The following DNAH11 variants were observed in gnomAD, a reference collection of about 807,000 sequenced individuals.
DNAH11 encodes the protein dynein axonemal heavy chain 11.
A neutral mutation model predicts 526.0 loss-of-function variants in DNAH11; 442 were observed. That is an observed-to-expected ratio of 0.84 (90% CI 0.78 to 0.91). The LOEUF is 0.91. Ranked by LOEUF, DNAH11 falls within the 40% of genes least tolerant of loss-of-function variation. DNAH11 has a pLI of 0.00. For missense variants in DNAH11, 6,989 were observed against 5,448.7 expected (o/e 1.28, Z -8.90); for synonymous variants, 2,461 against 1,935.9 (o/e 1.27, Z -7.12).
intron 30 of DNAH11, among the ~76,000 whole-genome samples, chr7:21,663,757 C>CT (rs34243043): frequency 0.59 from 85,392 of 145,710 alleles, 25,283 homozygotes; most frequent in Non-Finnish European, 0.66. Context: ...ACAGGATTTC[C>CT]TTTTTTTTTT....
chr7:21,750,811 A>T (rs1336782330), intron 54 of DNAH11, among the ~76,000 whole-genome samples: 4 of 152,190 alleles, frequency 2.6e-5, no homozygotes, highest in African/African-American at 9.7e-5. Flanking sequence ...AATGGCATTT[A>T]TATAAAGGTC....
rs17144916 is a variant in DNAH11 at position 21,658,611 on chromosome 7, G to C, written c.5095-187G>C. Among the ~76,000 whole-genome samples, 19,892 of 152,088 alleles carry C rather than the reference G, an allele frequency of 0.13. 1,577 individuals carry two copies. The highest frequency in any genetic ancestry group is 0.22 in the African/African-American group (9,165 of 41,484). On this transcript the variant is annotated intron_variant, in intron 29 of 81. Coordinates refer to ENST00000409508, the MANE Select transcript of DNAH11 (RefSeq NM_001277115.2). ...TCCTGGGAGAAGGCGGGTTCCTGCA[G>C]GAGAAAGATTTCACCAATCCGTTGT...
In DNAH11 at chr7:21,899,356, G is replaced by T; in HGVS notation, c.13070G>T (p.Arg4357Leu). Residue 4357 changes from arginine (R) to leucine (L), a missense_variant, in exon 80 of 82, where the codon CGA becomes CTA. Physicochemically the swap from Arg to Leu is moderately radical, Grantham distance 102 (BLOSUM62 -2). Transcript: ENST00000409508. The part of the protein sequence containing the change: ...LAQWFNDLLL[R>L]CRELDTWTQD... ...ACCAGGTTCAATGACCTCCTCCTGC[G>T]ATGCCGAGAACTCGATACTTGGACA... The T allele has an allele frequency of 6.2e-7, 1 of 1,613,884 alleles. No homozygotes were observed. The highest frequency in any genetic ancestry group is 8.5e-7 in the Non-Finnish European group (1 of 1,179,872).
At chr7:21,897,426 C>T (rs926594494) in intron 79 of DNAH11, among the ~76,000 whole-genome samples, 3 of 122,908 alleles carry the variant, frequency 2.4e-5, no homozygotes, top group Non-Finnish European at 5.7e-5. Context: ...GTGGAGATGT[C>T]AAAAGCTAGC....
At chr7:21,567,577 C>T (rs6461582) in intron 6 of DNAH11, among the ~76,000 whole-genome samples, 14,741 of 152,238 alleles carry the variant, frequency 0.097, 1,330 homozygotes, top group East Asian at 0.29. Flanking sequence ...TCCCCACAGG[C>T]GCAGCCAGTG....
intron 10 of DNAH11, 90 bp downstream of exon 10, chr7:21,588,291 A>T (rs3810897): frequency 6.9e-7 from 1 of 1,438,870 alleles, no homozygotes; most frequent in Non-Finnish European, 9.3e-7. Flanking sequence ...ATATCTAAAG[A>T]TTAGATATAG....
intron 20 of DNAH11, among the ~76,000 whole-genome samples, chr7:21,613,826 A>G (rs998691545): frequency 2.0e-5 from 3 of 152,108 alleles, no homozygotes; most frequent in Non-Finnish European, 2.9e-5. Flanking sequence ...CAGTGGTACA[A>G]TTTCAACTCA....
rs116975250 is a variant in DNAH11, at chr7:21,606,177, T to C, written c.3649-249T>C. On this transcript the variant is annotated intron_variant, in intron 18 of 81. Transcript: ENST00000409508. The stretch of plus-strand genomic sequence containing the variant: ...TGTCCTACAACAAATACAAAAATTA[T>C]CTGGGCATGGTGGTACATGCCTGTA... 0.046 allele frequency among the ~76,000 whole-genome samples: 6,950 copies of C among 152,052 alleles called. 175 individuals are homozygous for C. Among genetic ancestry groups the C allele is most frequent in the South Asian group, 0.063 (304 of 4,800 alleles).
At chr7:21,691,505 C>T (rs1470546305) in intron 35 of DNAH11, among the ~76,000 whole-genome samples, 4 of 152,004 alleles carry the variant, frequency 2.6e-5, no homozygotes, top group Non-Finnish European at 5.9e-5. Flanking sequence ...CGCAGGGTCC[C>T]CTCCCTGAGG....
intron 9 of DNAH11, among the ~76,000 whole-genome samples, chr7:21,585,786 G>A (rs1046912336): frequency 7.2e-5 from 11 of 152,278 alleles, no homozygotes; most frequent in Admixed American, 5.9e-4. Flanking sequence ...ACCGAACAAT[G>A]GCAATGGTGT....
chr7:21,676,710 C>G (rs1033224036), intron 30 of DNAH11, among the ~76,000 whole-genome samples: 5 of 152,142 alleles, frequency 3.3e-5, no homozygotes, highest in African/African-American at 1.2e-4. Context: ...AATGCACTTA[C>G]AATTATACAT....
rs367837531 is a variant in DNAH11 at position 21,556,798 on chromosome 7, G to A, written c.496-2004G>A. ...CATGCATGGCCAGGTGCGGTGGCTCGCACCTGTAGTCCTACCACTTTGGGA... is the reference window on the plus strand; with the variant it reads ...CATGCATGGCCAGGTGCGGTGGCTCACACCTGTAGTCCTACCACTTTGGGA... On this transcript the variant is annotated intron_variant, in intron 2 of 81. Coordinates refer to ENST00000409508, the MANE Select transcript of DNAH11 (RefSeq NM_001277115.2). Among the ~76,000 whole-genome samples, 39 of 152,020 alleles carry A rather than the reference G, an allele frequency of 2.6e-4. 1 individual carries two copies. Among genetic ancestry groups the A allele is most frequent in the Admixed American group, 6.6e-5 (1 of 15,264 alleles).
At chr7:21,881,167 G>A (rs1783911642) in intron 75 of DNAH11, among the ~76,000 whole-genome samples, 1 of 152,162 alleles carries the variant, frequency 6.6e-6, no homozygotes, top group Non-Finnish European at 1.5e-5. Flanking sequence ...AACAAAAACA[G>A]TGGTTTACAT....
chr7:21,763,789 T>TATATAC (rs61311190), intron 54 of DNAH11, among the ~76,000 whole-genome samples: 3,331 of 127,238 alleles, frequency 0.026, 126 homozygotes, highest in Admixed American at 0.072. Flanking sequence ...TAATGTGCTA[T>TATATAC]ATATACATAT....
At chr7:21,591,088 ATTAT>A in intron 13 of DNAH11, 66 bp downstream of exon 13, 1 of 1,381,076 alleles carries the variant, frequency 7.2e-7, no homozygotes, top group Non-Finnish European at 9.5e-7. Flanking sequence ...TTGAATTTTA[ATTAT>A]TATATAGATC....
At chr7:21,896,240 C>CT (rs1031997499) in intron 79 of DNAH11, among the ~76,000 whole-genome samples, 46 of 152,124 alleles carry the variant, frequency 3.0e-4, no homozygotes, top group African/African-American at 1.1e-3. Flanking sequence ...CTGGGCTTTT[C>CT]TTTTTTTATC....
chr7:21,892,813 C>A, intron 77 of DNAH11, 146 bp downstream of exon 77: 1 of 963,060 alleles, frequency 1.0e-6, no homozygotes, highest in Non-Finnish European at 1.5e-6. Flanking sequence ...ACATTTCCAA[C>A]ACTCCAGAAG....
At chr7:21,767,049 A>C (rs1222966860) in intron 55 of DNAH11, among the ~76,000 whole-genome samples, 4 of 152,236 alleles carry the variant, frequency 2.6e-5, no homozygotes, top group Admixed American at 6.5e-5. Flanking sequence ...GAAAATCATT[A>C]AATGTGACAA....
intron 56 of DNAH11, 133 bp from the exon 57 acceptor site, chr7:21,778,824 AG>A: frequency 9.7e-7 from 1 of 1,032,008 alleles, no homozygotes; most frequent in Non-Finnish European, 1.4e-6. Flanking sequence ...ATCAGAAGAC[AG>A]TGAAAATCAG....
Sources: gnomAD v4.1 joint callset for allele counts (sites outside exome capture counted in the v4.1 genomes callset) on GRCh38, gnomAD v4.1.1 for gene constraint, MANE v1.5 for transcripts, NCBI Gene and HGNC (gene_info 2026-07-23, HGNC 2026-07-21) for gene names.